CLCN5: variants seen among roughly 807,000 people sequenced by gnomAD.
The protein encoded by CLCN5 is H(+)/Cl(-) exchange transporter 5.
In CLCN5, 17 loss-of-function variants were observed where a neutral mutation model predicts 54.0. The observed-to-expected ratio is 0.31, with a 90% CI of 0.22 to 0.47. The LOEUF is 0.47. Among genes scored for constraint, CLCN5 ranks in the 20% least tolerant of loss-of-function variants. CLCN5 has a pLI of 1.00. For synonymous variants in CLCN5, 222 were observed against 233.0 expected (o/e 0.95, Z 0.43); for missense variants, 448 against 646.7 (o/e 0.69, Z 3.33).
intron 3 of CLCN5, among the ~76,000 whole-genome samples, chrX:50,027,996 A>G (rs1280585825): frequency 8.9e-6 from 1 of 111,767 alleles, no homozygotes; most frequent in African/African-American, 3.3e-5. Context: ...TCTTTCAGTC[A>G]TATTCCCCTG....
intron 3 of CLCN5, among the ~76,000 whole-genome samples, chrX:49,952,499 G>GT (rs11324611): frequency 0.45 from 47,231 of 105,752 alleles, 8,827 homozygotes; most frequent in East Asian, 0.93. Flanking sequence ...TTCCAGGTGG[G>GT]TTTTTTTTTT....
chrX:49,999,789 A>T (rs185422627), intron 3 of CLCN5, among the ~76,000 whole-genome samples: 13 of 112,039 alleles, frequency 1.2e-4, no homozygotes, highest in African/African-American at 4.2e-4. Context: ...CCTGCGGAAT[A>T]GAATATGAGA....
intron 3 of CLCN5, among the ~76,000 whole-genome samples, chrX:49,984,110 T>C (rs1402640241): frequency 1.8e-5 from 2 of 111,801 alleles, no homozygotes; most frequent in Admixed American, 9.6e-5. Flanking sequence ...AGACATATCA[T>C]ATTTGTGATA....
chrX:50,057,307 T>G (rs1932767300), intron 4 of CLCN5, among the ~76,000 whole-genome samples: 2 of 105,395 alleles, frequency 1.9e-5, no homozygotes, highest in South Asian at 9.3e-4. Flanking sequence ...CAGATGCATA[T>G]CAACAGAATA....
intron 4 of CLCN5, among the ~76,000 whole-genome samples, chrX:50,064,787 A>G (rs1333499332): frequency 8.1e-5 from 8 of 99,343 alleles, no homozygotes; most frequent in Non-Finnish European, 1.6e-4. Context: ...TAACCAAAAC[A>G]GCATGGTACT....
chrX:49,970,845 C>T (rs1379005523), intron 3 of CLCN5, among the ~76,000 whole-genome samples: 3 of 111,504 alleles, frequency 2.7e-5, no homozygotes, highest in African/African-American at 9.8e-5. Flanking sequence ...AAACTGCTTT[C>T]TAAAGCAGCT....
chrX:49,931,814 G>T (rs1248333601), intron 3 of CLCN5, among the ~76,000 whole-genome samples: 3 of 106,788 alleles, frequency 2.8e-5, no homozygotes, highest in Admixed American at 1.0e-4. Flanking sequence ...TACTCGGGTG[G>T]CTGACATGGG....
In CLCN5 at chrX:50,069,850, T is replaced by TA. The variant is rs782216885; in HGVS notation, c.164-28dup. The TA allele has an allele frequency of 2.3e-5, 27 of 1,171,453 alleles. No individual in the cohort carries two copies. In the East Asian group the frequency reaches 7.9e-4, roughly 34 times the overall value. The stretch of plus-strand genomic sequence containing the variant: ...TTAAAAATGTTAAGAATTTCTGAAG[T>TA]ACTAATGTCTATTTCTTGTTCAATA... On this transcript the variant is annotated intron_variant, in intron 4 of 14. Coordinates refer to ENST00000376091, the MANE Select transcript of CLCN5 (RefSeq NM_001127898.4).
At chrX:49,949,135 G>T (rs931084885) in intron 3 of CLCN5, among the ~76,000 whole-genome samples, 1 of 112,237 alleles carries the variant, frequency 8.9e-6, no homozygotes, top group African/African-American at 3.2e-5. Context: ...AGGATCCATA[G>T]TAGTGGTTCT....
intron 3 of CLCN5, among the ~76,000 whole-genome samples, chrX:49,958,144 C>T (rs1354402350): frequency 9.0e-6 from 1 of 111,613 alleles, no homozygotes; most frequent in Non-Finnish European, 1.9e-5. Flanking sequence ...ATTTCTAATC[C>T]CTGGCAAACA....
chrX:49,985,163 G>GT (rs1317859198), intron 3 of CLCN5, among the ~76,000 whole-genome samples: 1 of 110,839 alleles, frequency 9.0e-6, no homozygotes, highest in Non-Finnish European at 1.9e-5. Flanking sequence ...AATTTTATTC[G>GT]TTTTTTCAAA....
intron 3 of CLCN5, among the ~76,000 whole-genome samples, chrX:49,977,773 G>A (rs1227816875): frequency 8.9e-6 from 1 of 111,751 alleles, no homozygotes; most frequent in African/African-American, 3.3e-5. Flanking sequence ...CCCCCCTCCA[G>A]AAGCCCAGGC....
intron 3 of CLCN5, among the ~76,000 whole-genome samples, chrX:49,957,291 C>G (rs1312142051): frequency 5.4e-5 from 6 of 111,220 alleles, no homozygotes; most frequent in Admixed American, 9.5e-5. Context: ...CAGAGTGAGA[C>G]TCTGTCTCTA....
chrX:50,083,812 T>TA (rs1179396108), intron 9 of CLCN5, among the ~76,000 whole-genome samples: 1 of 112,283 alleles, frequency 8.9e-6, no homozygotes, highest in Non-Finnish European at 1.9e-5. Flanking sequence ...GAAATTTTTT[T>TA]AAAAAAATAT....
At chrX:50,062,189 T>C (rs1341823383) in intron 4 of CLCN5, among the ~76,000 whole-genome samples, 1 of 90,698 alleles carries the variant, frequency 1.1e-5, no homozygotes, top group Admixed American at 1.3e-4. Flanking sequence ...GACTAAATTC[T>C]CCAATTAAAA....
At chrX:50,063,279 AAAAG>A (rs1372086011) in intron 4 of CLCN5, among the ~76,000 whole-genome samples, 2 of 95,982 alleles carry the variant, frequency 2.1e-5, no homozygotes, top group East Asian at 6.2e-4. Flanking sequence ...AATAAAGAAA[AAAAG>A]AGAGAAGAAT....
intron 3 of CLCN5, among the ~76,000 whole-genome samples, chrX:50,015,219 CACAAATGATGGGGGCCAAAGAGAG>C (rs1265044735): frequency 9.0e-6 from 1 of 110,695 alleles, no homozygotes; most frequent in East Asian, 2.8e-4. Context: ...TTCAGACGGG[CACAAATGATGGGGGCCAAAGAGAG>C]AGTCTTCCTA....
intron 6 of CLCN5, among the ~76,000 whole-genome samples, chrX:50,074,874 G>A (rs782064544): frequency 2.7e-5 from 3 of 111,757 alleles, no homozygotes; most frequent in Middle Eastern, 4.6e-3. Flanking sequence ...TTTCCCTAAA[G>A]CATGATTCTG....
At chrX:49,946,964 G>A (rs895285269) in intron 3 of CLCN5, among the ~76,000 whole-genome samples, 23 of 110,440 alleles carry the variant, frequency 2.1e-4, no homozygotes, top group African/African-American at 6.9e-4. Context: ...GAGTAGCTGG[G>A]ATTACAGTCA....
Sources: gnomAD v4.1 joint callset for allele counts (sites outside exome capture counted in the v4.1 genomes callset) on GRCh38, gnomAD v4.1.1 for gene constraint, MANE v1.5 for transcripts, NCBI Gene and HGNC (gene_info 2026-07-23, HGNC 2026-07-21) for gene names.